Variants in IKZF1 observed in about 807,000 individuals in gnomAD.
IKZF1 encodes the protein DNA-binding protein Ikaros.
Under a neutral mutation model 51.7 loss-of-function variants are expected in IKZF1, and 10 were observed. The observed-to-expected ratio is 0.19, with a 90% confidence interval of 0.12 to 0.33. The LOEUF (loss-of-function observed/expected upper bound fraction) is 0.33. Among genes scored for constraint, IKZF1 ranks in the 10% least tolerant of loss-of-function variants. The probability of loss-of-function intolerance (pLI) is 1.00; values close to 1 mark genes in which losing one functional copy is unlikely to be tolerated. For synonymous variants in IKZF1, 280 were observed against 282.3 expected (o/e 0.99, Z 0.08); for missense variants, 484 against 707.5 (o/e 0.68, Z 3.58).
intron 3 of IKZF1, chr7:50,368,661 T>C (rs1038265896): frequency 6.5e-6 from 2 of 309,042 alleles, no homozygotes; most frequent in Non-Finnish European, 1.2e-5. Flanking sequence ...AATTTCATTT[T>C]TCTTTTTTAG....
intron 2 of IKZF1, among the ~76,000 whole-genome samples, chr7:50,324,702 A>G (rs1042178775): frequency 4.6e-5 from 7 of 152,234 alleles, no homozygotes; most frequent in African/African-American, 1.7e-4. Flanking sequence ...ACCTGTTATT[A>G]TGAACCATCC....
chr7:50,399,963 A>G lies in IKZF1; in HGVS notation c.896A>G (p.Tyr299Cys). 1 of 1,613,562 alleles carries G rather than the reference A, an allele frequency of 6.2e-7. No homozygotes were observed. The highest frequency in any genetic ancestry group is 8.5e-7 in the Non-Finnish European group (1 of 1,179,788). Residue 299 changes from tyrosine (Y) to cysteine (C), a missense_variant, in exon 8 of 8, where the codon TAC (tyrosine) becomes TGC (cysteine). Transcript: ENST00000331340. ...SDTPYDSSAS[Y>C]EKENEMMKSH... Reference sequence around the variant, plus strand: ...ACGCCCTACGACAGCAGCGCCAGCTACGAGAAGGAGAACGAAATGATGAAG... The same window carrying G: ...ACGCCCTACGACAGCAGCGCCAGCTGCGAGAAGGAGAACGAAATGATGAAG...
chr7:50,351,937 A>G (rs956530179), intron 3 of IKZF1, among the ~76,000 whole-genome samples: 2 of 152,218 alleles, frequency 1.3e-5, no homozygotes, highest in African/African-American at 4.8e-5. Context: ...GCTCAAAAGT[A>G]CTATCCTAAA....
At chr7:50,320,379 C>T (rs944596741) in intron 2 of IKZF1, among the ~76,000 whole-genome samples, 11 of 152,072 alleles carry the variant, frequency 7.2e-5, no homozygotes, top group Admixed American at 2.6e-4. Flanking sequence ...GTATAGTAAT[C>T]GGATCAGGTA....
chr7:50,376,574 G>A lies in IKZF1; in HGVS notation c.202G>A (p.Gly68Arg), dbSNP rs2153468767. Residue 68 changes from glycine (G) to arginine (R), a missense_variant, in exon 4 of 8, where the codon GGG (glycine) becomes AGG (arginine). Gly to Arg is a moderately radical substitution (Grantham distance 125). This residue lies in a region of IKZF1 where 118 missense variants were observed against 138.4 expected (regional missense o/e 0.85). Coordinates refer to ENST00000331340, the MANE Select transcript of IKZF1 (RefSeq NM_006060.6). The surrounding 1 kb of genome is among the most constrained non-coding windows in gnomAD (Gnocchi z 4.5). ...KVETQSDEEN[G>R]RACEMNGEEC... ...AGAGACTCAGAGTGATGAAGAGAAT[G>A]GGCGTGCCTGTGAAATGAATGGGGA... is the stretch of plus-strand genomic sequence containing the variant. The A allele has an allele frequency of 1.2e-6, 2 of 1,613,948 alleles. No individual in the cohort carries two copies. The highest frequency in any genetic ancestry group is 1.7e-6 in the Non-Finnish European group (2 of 1,179,874).
chr7:50,310,027 G>C (rs1430943890), intron 1 of IKZF1, among the ~76,000 whole-genome samples: 3 of 152,272 alleles, frequency 2.0e-5, no homozygotes, highest in South Asian at 4.1e-4. Context: ...AGAAAATTAA[G>C]CTGATATTCA....
chr7:50,325,484 C>A (rs1177395349), intron 2 of IKZF1, among the ~76,000 whole-genome samples: 1 of 152,088 alleles, frequency 6.6e-6, no homozygotes, highest in Non-Finnish European at 1.5e-5. Context: ...TAAACATTTT[C>A]TATTTATAGG....
At chr7:50,358,839 A>G (rs77579760) in intron 3 of IKZF1, among the ~76,000 whole-genome samples, 3,869 of 124,598 alleles carry the variant, frequency 0.031, 86 homozygotes, top group African/African-American at 0.081. Flanking sequence ...AGAACTATAT[A>G]TTACAAAGTC....
intron 7 of IKZF1, chr7:50,393,843 AAG>A (rs1044352553): frequency 4.3e-6 from 1 of 232,840 alleles, no homozygotes; most frequent in Admixed American, 5.6e-5. Flanking sequence ...ATAAGGCAGC[AAG>A]TGTGTGCAAG....
At position 50,335,448 on chromosome 7, in the gene IKZF1, T is replaced by TAG. The variant is rs1797478237; in HGVS notation, c.160+7691_160+7692insAG. Among the ~76,000 whole-genome samples the TAG allele has an allele frequency of 3.9e-4, 4 of 10,298 alleles. 1 individual carries two copies. The highest frequency in any genetic ancestry group is 2.7e-3 in the African/African-American group (2 of 732). 6.8% of individuals were successfully genotyped at this position (10,298 alleles called of 152,430 possible). ...ATGTGTGTATGGGATGTGTGGTGTG[T>TAG]GTGTGGTGTGTATGTGTGTATGGGA... On this transcript the variant is annotated intron_variant, in intron 3 of 7. Coordinates refer to ENST00000331340, the MANE Select transcript of IKZF1 (RefSeq NM_006060.6).
In IKZF1 at chr7:50,391,671, C is replaced by A. The variant is rs77309888; in HGVS notation, c.716-58C>A. 6.9e-6 allele frequency: 11 copies of A among 1,601,596 alleles called. No homozygotes were observed. The Admixed American group carries it at 1.2e-4, about 17-fold the overall frequency. Reference sequence around the variant, plus strand: ...CAAATGTCAGATTTAACATTGGACGCGACTGAACCCTTTAAACATAAGCCT... The same window carrying A: ...CAAATGTCAGATTTAACATTGGACGAGACTGAACCCTTTAAACATAAGCCT... On this transcript the variant is annotated intron_variant, in intron 6 of 7. Coordinates refer to ENST00000331340, the MANE Select transcript of IKZF1 (RefSeq NM_006060.6).
At chr7:50,360,750 C>T (rs1234527649) in intron 3 of IKZF1, among the ~76,000 whole-genome samples, 1 of 152,238 alleles carries the variant, frequency 6.6e-6, no homozygotes, top group African/African-American at 2.4e-5. Context: ...AGCCCCATGT[C>T]GTCCCTTCCG....
At chr7:50,394,122 G>T (rs1010365405) in intron 7 of IKZF1, among the ~76,000 whole-genome samples, 2 of 152,194 alleles carry the variant, frequency 1.3e-5, no homozygotes, top group African/African-American at 2.4e-5. Context: ...GCAAAGCGAA[G>T]ATGAAAAAGG....
intron 3 of IKZF1, among the ~76,000 whole-genome samples, chr7:50,336,788 T>C (rs1797893632): frequency 6.6e-6 from 1 of 152,076 alleles, no homozygotes; most frequent in Non-Finnish European, 1.5e-5. Flanking sequence ...CAAGGGATGG[T>C]GTCTAGCCAC....
rs1293162612 is a variant in IKZF1, at chr7:50,319,059, A to G, written c.-3A>G. On this transcript the variant is annotated 5_prime_UTR_variant, in exon 2 of 8. Coordinates refer to ENST00000331340, the MANE Select transcript of IKZF1 (RefSeq NM_006060.6). ...CCTCTCTTTCTCAGATAACCTGAGG[A>G]CCATGGATGCTGATGAGGGTCAAGA... 6.2e-7 allele frequency: 1 copy of G among 1,612,144 alleles called. No homozygotes were observed.
chr7:50,346,808 A>G (rs940648665), intron 3 of IKZF1, among the ~76,000 whole-genome samples: 16 of 152,356 alleles, frequency 1.1e-4, no homozygotes, highest in African/African-American at 3.6e-4. Context: ...AAAGCATGGC[A>G]TATTAAACTC....
At chr7:50,399,796 G>A in intron 7 of IKZF1, 122 bp from the exon 8 acceptor site, 1 of 1,438,856 alleles carries the variant, frequency 6.9e-7, no homozygotes, top group South Asian at 1.4e-5. Context: ...GTCCGCAGGC[G>A]TGCTGGGCCC....
At chr7:50,311,136 A>T (rs1790065764) in intron 1 of IKZF1, among the ~76,000 whole-genome samples, 3 of 152,188 alleles carry the variant, frequency 2.0e-5, no homozygotes, top group African/African-American at 7.2e-5. Context: ...GAAAATTTCC[A>T]ATTAGTAGGA....
chr7:50,398,637 C>T (rs1283847209), intron 7 of IKZF1, among the ~76,000 whole-genome samples: 1 of 152,250 alleles, frequency 6.6e-6, no homozygotes, highest in Non-Finnish European at 1.5e-5. Context: ...CCCCTAGTAG[C>T]TGTCTGCTGC....
Sources: gnomAD v4.1 joint callset for allele counts (sites outside exome capture counted in the v4.1 genomes callset) on GRCh38, gnomAD v4.1.1 for gene constraint, gnomAD v4.1.1 regional missense constraint, Gnocchi (gnomAD v3.1) non-coding constraint, MANE v1.5 for transcripts, NCBI Gene and HGNC (gene_info 2026-07-23, HGNC 2026-07-21) for gene names.